Variants in FAT4 observed in about 807,000 individuals in gnomAD.
FAT4 encodes the protein protocadherin Fat 4.
FAT4 carries 84 observed loss-of-function variants against 303.9 expected under a neutral mutation model. The observed-to-expected ratio is 0.28, with a 90% confidence interval of 0.23 to 0.33. FAT4 has a LOEUF of 0.33. Among genes scored for constraint, FAT4 ranks in the 10% least tolerant of loss-of-function variants. FAT4 has a pLI of 1.00. For missense variants in FAT4, 6,005 were observed against 6,146.8 expected, an observed-to-expected ratio of 0.98 and a Z score of 0.77; for synonymous variants, 2,307 against 2,298.8, an observed-to-expected ratio of 1.00 and a Z score of -0.10.
chr4:125,315,660 G>A lies in FAT4; in HGVS notation c.-330G>A, dbSNP rs552930639. On this transcript the variant is annotated 5_prime_UTR_variant, in exon 1 of 18. Transcript: ENST00000394329. ...GCTTGAAGCCGCAACAGGGGCGGCG[G>A]CGGCGGCGGCTGCAGGAGGGGAAGG... is the stretch of plus-strand genomic sequence containing the variant. Among the ~76,000 whole-genome samples the A allele has an allele frequency of 6.6e-4, 100 of 152,318 alleles. 1 individual carries two copies. Among genetic ancestry groups the A allele is most frequent in the Non-Finnish European group, 1.2e-3 (83 of 68,024 alleles).
intron 2 of FAT4, among the ~76,000 whole-genome samples, chr4:125,373,188 G>A (rs1022402027): frequency 6.6e-6 from 1 of 152,100 alleles, no homozygotes; most frequent in Admixed American, 6.5e-5. Flanking sequence ...GTTAGAGGAT[G>A]ATTTGATTTA....
intron 2 of FAT4, among the ~76,000 whole-genome samples, chr4:125,341,446 T>C (rs537918808): frequency 2.0e-5 from 3 of 152,208 alleles, no homozygotes; most frequent in African/African-American, 7.2e-5. Context: ...GTGTTTCTTA[T>C]TTCTGAAGTC....
rs754588037 is a variant in FAT4 at position 125,491,301 on chromosome 4, A to G, written c.14485A>G (p.Arg4829Gly). The change falls in exon 18 of 18, where the codon AGG becomes GGG. Residue 4829 changes from arginine to glycine, a missense_variant. Transcript: ENST00000394329. ...EDCRRPLSRT[R>G]NPADGIPAPE... ...CTGCAGAAGGCCACTGTCTAGAACA[A>G]GGAATCCAGCGGATGGCATTCCAGC... The G allele has an allele frequency of 1.9e-5, 30 of 1,614,112 alleles. No homozygotes were observed. The highest frequency in any genetic ancestry group is 2.7e-5 in the African/African-American group (2 of 74,952).
intron 3 of FAT4, among the ~76,000 whole-genome samples, chr4:125,402,005 TAAA>T (rs1204751190): frequency 3.9e-5 from 6 of 151,938 alleles, no homozygotes; most frequent in Non-Finnish European, 1.5e-5. Flanking sequence ...GAATATTTAG[TAAA>T]TAGACTTTTC....
chr4:125,466,853 C>A (rs1329510071), intron 11 of FAT4, among the ~76,000 whole-genome samples: 1 of 151,108 alleles, frequency 6.6e-6, no homozygotes, highest in African/African-American at 2.4e-5. Context: ...AGGCTCACTG[C>A]AAGCTCAGCC....
chr4:125,481,490 T>C (rs923563285), intron 15 of FAT4, 31 bp from the exon 16 acceptor site: 1 of 1,597,522 alleles, frequency 6.3e-7, no homozygotes, highest in Non-Finnish European at 8.6e-7. Flanking sequence ...AATGAATGCA[T>C]TCATTTTCCC....
intron 12 of FAT4, among the ~76,000 whole-genome samples, chr4:125,473,530 A>G (rs1004829694): frequency 1.3e-5 from 2 of 152,080 alleles, no homozygotes; most frequent in African/African-American, 4.8e-5. Flanking sequence ...AATTAGAAAA[A>G]CATTTAGAGA....
chr4:125,367,302 T>C (rs557369556), intron 2 of FAT4, among the ~76,000 whole-genome samples: 1 of 152,184 alleles, frequency 6.6e-6, no homozygotes, highest in South Asian at 2.1e-4. Flanking sequence ...CTACACACTG[T>C]ACATATATTA....
In FAT4 at chr4:125,397,308, C is replaced by A. The variant is rs374328125; in HGVS notation, c.5176-1476C>A. ...ACTGAGGCTAAGAGAAATTAAGTGCCCGAGTTCATCTAGCTAATAAGTGTC... is the reference window on the plus strand; with the variant it reads ...ACTGAGGCTAAGAGAAATTAAGTGCACGAGTTCATCTAGCTAATAAGTGTC... On this transcript the variant is annotated intron_variant, in intron 2 of 17. Coordinates refer to ENST00000394329, the MANE Select transcript of FAT4 (RefSeq NM_001291303.3). 7.2e-4 allele frequency among the ~76,000 whole-genome samples: 110 copies of A among 152,054 alleles called. 2 individuals are homozygous for A. The South Asian group carries it at 0.021, about 30-fold the overall frequency.
In FAT4 at chr4:125,319,819, G is replaced by T. The variant is rs763110095; in HGVS notation, c.3408G>T (p.Arg1136Ser). The change falls in exon 2 of 18, where the codon AGG becomes AGT. Residue 1136 changes from arginine (R) to serine (S), a missense_variant. Coordinates refer to ENST00000394329, the MANE Select transcript of FAT4 (RefSeq NM_001291303.3). Reference sequence around the variant, plus strand: ...ACTTTGGGCCAAATGGAGAAGTAAGGTATTCTTTTGAAATGGTGCAGCCAG... The same window carrying T: ...ACTTTGGGCCAAATGGAGAAGTAAGTTATTCTTTTGAAATGGTGCAGCCAG... ...DKDFGPNGEV[R>S]YSFEMVQPDF... The T allele has an allele frequency of 6.2e-7, 1 of 1,614,188 alleles. No individual in the cohort carries two copies. Among genetic ancestry groups the T allele is most frequent in the South Asian group, 1.1e-5 (1 of 91,078 alleles).
chr4:125,362,790 G>T (rs1732722520), intron 2 of FAT4: 1 of 152,136 alleles, frequency 6.6e-6, no homozygotes, highest in Non-Finnish European at 1.5e-5. Flanking sequence ...AGGGAATCCA[G>T]CTAGTGTGAT....
At chr4:125,392,664 A>G (rs1734018487) in intron 2 of FAT4, among the ~76,000 whole-genome samples, 1 of 152,192 alleles carries the variant, frequency 6.6e-6, no homozygotes. Flanking sequence ...ACGAACTCTC[A>G]CAGATTATTT....
intron 3 of FAT4, among the ~76,000 whole-genome samples, chr4:125,406,190 T>C (rs1487046690): frequency 3.9e-5 from 6 of 152,196 alleles, no homozygotes; most frequent in Non-Finnish European, 7.3e-5. Context: ...TTGTGTATAA[T>C]GTATATTTAC....
chr4:125,470,581 A>T (rs1360893668), intron 12 of FAT4, among the ~76,000 whole-genome samples: 1 of 152,230 alleles, frequency 6.6e-6, no homozygotes, highest in Admixed American at 6.5e-5. Flanking sequence ...TACCTTACAG[A>T]GATGACTTCT....
chr4:125,476,092 G>A, intron 12 of FAT4, 79 bp from the exon 13 acceptor site: 1 of 728,106 alleles, frequency 1.4e-6, no homozygotes. Context: ...ATAGAAGCAA[G>A]TCATGGGTAG....
At position 125,316,962 on chromosome 4, in the gene FAT4, G is replaced by A. The variant is rs1560752078; in HGVS notation, c.551G>A (p.Arg184His). Residue 184 changes from arginine to histidine, a missense_variant, in exon 2 of 18, where the codon CGC becomes CAC. Physicochemically the swap from Arg to His is conservative, Grantham distance 29 (BLOSUM62 0). Transcript: ENST00000394329. The surrounding 1 kb of genome is among the most constrained non-coding windows in gnomAD (Gnocchi z 5.7). ...YRIIRGNEAGRFRLDITLNPS... is the reference protein window; with the variant it reads ...YRIIRGNEAGHFRLDITLNPS... ...ATCATCCGCGGCAATGAGGCGGGGC[G>A]CTTCCGTCTGGACATCACCCTGAAC... The A allele has an allele frequency of 1.9e-6, 3 of 1,613,902 alleles. No individual in the cohort carries two copies. The highest frequency in any genetic ancestry group is 1.7e-5 in the Admixed American group (1 of 60,024).
intron 2 of FAT4, among the ~76,000 whole-genome samples, chr4:125,361,217 A>G (rs544418566): frequency 1.3e-5 from 2 of 152,248 alleles, no homozygotes; most frequent in East Asian, 3.9e-4. Context: ...AATAATAAAA[A>G]TATATCTCTG....
At chr4:125,476,060 A>G in intron 12 of FAT4, 111 bp from the exon 13 acceptor site, 2 of 517,376 alleles carry the variant, frequency 3.9e-6, no homozygotes, top group Non-Finnish European at 7.1e-6. Flanking sequence ...AGATGTTATC[A>G]TAGTTTCTAA....
chr4:125,476,429 T>G (rs1560631155), intron 13 of FAT4, among the ~76,000 whole-genome samples, 173 bp downstream of exon 13: 1 of 152,118 alleles, frequency 6.6e-6, no homozygotes, highest in Non-Finnish European at 1.5e-5. Context: ...CAAAATGTGT[T>G]AAAATGTGTG....
Sources: gnomAD v4.1 joint callset for allele counts (sites outside exome capture counted in the v4.1 genomes callset) on GRCh38, gnomAD v4.1.1 for gene constraint, Gnocchi (gnomAD v3.1) non-coding constraint, MANE v1.5 for transcripts, NCBI Gene and HGNC (gene_info 2026-07-23, HGNC 2026-07-21) for gene names.